SAMD5: variants seen among roughly 807,000 people sequenced by gnomAD.
SAMD5 encodes sterile alpha motif domain containing 5.
A neutral mutation model predicts 11.3 loss-of-function variants in SAMD5; 13 were observed. That is an observed-to-expected ratio of 1.15 (90% CI 0.75 to 1.83). The LOEUF is 1.83. Among genes scored for constraint, SAMD5 ranks in the 40% most tolerant of loss-of-function variants. SAMD5 has a pLI of 0.00. For synonymous variants in SAMD5, 129 were observed against 111.3 expected, an observed-to-expected ratio of 1.16 and a Z score of -1.00; for missense variants, 255 against 239.1, an observed-to-expected ratio of 1.07 and a Z score of -0.44.
At chr6:147,865,966 G>C in the SAMD5 span, among the ~76,000 whole-genome samples, 1 of 151,972 alleles carries the variant, frequency 6.6e-6, no homozygotes, top group Admixed American at 6.6e-5. Flanking sequence ...TTTCCAACTG[G>C]CTTCTACTTC....
the SAMD5 span, among the ~76,000 whole-genome samples, chr6:147,799,474 C>A: frequency 2.0e-5 from 3 of 151,318 alleles, no homozygotes; most frequent in East Asian, 1.9e-4. Context: ...GAGGGTAACC[C>A]GACCTTTCTC....
At chr6:147,878,279 C>A in the SAMD5 span, among the ~76,000 whole-genome samples, 3 of 151,952 alleles carry the variant, frequency 2.0e-5, no homozygotes, top group Middle Eastern at 3.4e-3. Context: ...ACTGCTGTTT[C>A]CTCACATGGT....
the SAMD5 span, among the ~76,000 whole-genome samples, chr6:147,938,605 A>G: frequency 6.6e-6 from 1 of 152,234 alleles, no homozygotes; most frequent in South Asian, 2.1e-4. Context: ...CTTGACAGCC[A>G]TGTTAAAATA....
Position 147,712,367 on chromosome 6 carries a change from G to A in SAMD5, c.163-24950G>A, listed in dbSNP as rs553466813. ...ATTTGTGTTCTAGACTTTTAAAACA[G>A]ACATGGATGTTAAAATTGTCATCCA... On this transcript the variant is annotated intron_variant, in intron 1 of 1. Coordinates refer to the SAMD5 transcript ENST00000566741. 2.0e-5 allele frequency among the ~76,000 whole-genome samples: 3 copies of A among 152,266 alleles called. No homozygotes were observed. In the South Asian group the frequency reaches 6.2e-4, roughly 32 times the overall value.
the SAMD5 span, among the ~76,000 whole-genome samples, chr6:147,878,776 T>C: frequency 6.6e-6 from 1 of 151,734 alleles, no homozygotes; most frequent in African/African-American, 2.4e-5. Context: ...CAATGACTAA[T>C]ATAACACAAG....
the SAMD5 span, among the ~76,000 whole-genome samples, chr6:147,935,386 A>G: frequency 4.6e-5 from 7 of 152,186 alleles, no homozygotes; most frequent in African/African-American, 1.7e-4. Flanking sequence ...CTCATGGATT[A>G]CTGTTTTAAA....
At chr6:147,814,029 C>T in the SAMD5 span, among the ~76,000 whole-genome samples, 29 of 152,270 alleles carry the variant, frequency 1.9e-4, no homozygotes, top group Non-Finnish European at 3.1e-4. Context: ...AAAGCTGTCA[C>T]GTGGCTCATA....
At chr6:147,899,189 A>AAAAAAAAAAAAAAAG in the SAMD5 span, among the ~76,000 whole-genome samples, 500 of 123,082 alleles carry the variant, frequency 4.1e-3, 13 homozygotes, top group African/African-American at 6.7e-3. Flanking sequence ...AAAAAAAAAA[A>AAAAAAAAAAAAAAAG]AAAAGATAAC....
the SAMD5 span, among the ~76,000 whole-genome samples, chr6:147,886,637 C>G: frequency 6.6e-6 from 1 of 152,108 alleles, no homozygotes; most frequent in South Asian, 2.1e-4. Flanking sequence ...GACTTAATCT[C>G]TCTCTCATTC....
At chr6:147,903,724 A>G in the SAMD5 span, among the ~76,000 whole-genome samples, 3 of 152,032 alleles carry the variant, frequency 2.0e-5, no homozygotes, top group Non-Finnish European at 4.4e-5. Flanking sequence ...CCTGGCCAAC[A>G]TGGTGAAACC....
Position 147,567,676 on chromosome 6 carries a change from T to A in SAMD5, c.*3220T>A. The A allele has an allele frequency of 1.0e-6, 1 of 985,398 alleles. No individual in the cohort carries two copies. Among genetic ancestry groups the A allele is most frequent in the African/African-American group, 1.7e-5 (1 of 57,356 alleles). The allele number at this position is 985,398 out of a possible 1,614,324, so 61.0% of individuals were successfully genotyped here. A position where few individuals can be genotyped will look rare whatever the true frequency, so the allele number is the denominator to read the frequency against. On this transcript the variant is annotated 3_prime_UTR_variant, in exon 2 of 2. Coordinates refer to ENST00000367474, the MANE Select transcript of SAMD5 (RefSeq NM_001030060.3). The stretch of plus-strand genomic sequence containing the variant: ...TTCCCTTCTTTACTCTCAGTTGTCT[T>A]ATTTCTTCTTATGCAGAAGAGATTA...
At chr6:147,603,951 A>C (rs1017563796) in intron 1 of SAMD5, among the ~76,000 whole-genome samples, 16 of 152,218 alleles carry the variant, frequency 1.1e-4, no homozygotes, top group Non-Finnish European at 2.1e-4. Context: ...CATTCTTTCT[A>C]GAAGACATTC....
At chr6:147,631,708 A>G (rs1469840485) in intron 1 of SAMD5, among the ~76,000 whole-genome samples, 1 of 152,154 alleles carries the variant, frequency 6.6e-6, no homozygotes, top group African/African-American at 2.4e-5. Flanking sequence ...ACCAAGAGGT[A>G]TTTTAGTTTC....
At chr6:147,885,195 A>C in the SAMD5 span, among the ~76,000 whole-genome samples, 1 of 152,256 alleles carries the variant, frequency 6.6e-6, no homozygotes, top group Non-Finnish European at 1.5e-5. Flanking sequence ...GTGGTCACTC[A>C]CACCTGTAAT....
the SAMD5 span, among the ~76,000 whole-genome samples, chr6:147,879,999 A>G: frequency 6.6e-6 from 1 of 152,188 alleles, no homozygotes. Flanking sequence ...CTCTTAAGCA[A>G]AATAATGAAG....
intron 1 of SAMD5, among the ~76,000 whole-genome samples, chr6:147,714,453 C>T (rs1386867967): frequency 6.6e-6 from 1 of 152,096 alleles, no homozygotes; most frequent in Non-Finnish European, 1.5e-5. Flanking sequence ...TCTCCTCCTT[C>T]TATGGAGGAG....
At chr6:147,867,349 A>T in the SAMD5 span, among the ~76,000 whole-genome samples, 1 of 149,964 alleles carries the variant, frequency 6.7e-6, no homozygotes, top group Non-Finnish European at 1.5e-5. Flanking sequence ...CCACCTGTGA[A>T]TATATGGAGA....
intron 1 of SAMD5, among the ~76,000 whole-genome samples, chr6:147,595,082 C>G (rs756398830): frequency 6.6e-6 from 1 of 152,168 alleles, no homozygotes; most frequent in Non-Finnish European, 1.5e-5. Context: ...GTTTCATATA[C>G]TATCTTAGTA....
the SAMD5 span, among the ~76,000 whole-genome samples, chr6:147,856,883 A>C: frequency 1.3e-5 from 2 of 148,872 alleles, no homozygotes; most frequent in Non-Finnish European, 2.9e-5. Flanking sequence ...GGATTTTTTT[A>C]GTAGCAAAAA....
Sources: gnomAD v4.1 joint callset for allele counts (sites outside exome capture counted in the v4.1 genomes callset) on GRCh38, gnomAD v4.1.1 for gene constraint, MANE v1.5 for transcripts, NCBI Gene and HGNC (gene_info 2026-07-23, HGNC 2026-07-21) for gene names.